Variants in PARP1 observed in about 807,000 individuals in gnomAD.
PARP1 encodes poly(ADP-ribose) polymerase 1, also known as poly [ADP-ribose] polymerase 1.
PARP1 carries 44 observed loss-of-function variants against 118.7 expected under a neutral mutation model. The observed-to-expected ratio is 0.37, with a 90% CI of 0.29 to 0.48. PARP1 has a LOEUF of 0.48. PARP1 is among the 20% of genes least tolerant of loss of function. The pLI is 0.99. For synonymous variants in PARP1, 492 were observed against 483.2 expected, an observed-to-expected ratio of 1.02 and a Z score of -0.24; for missense variants, 1,100 against 1,272.4, an observed-to-expected ratio of 0.86 and a Z score of 2.06.
At chr1:226,394,108 C>A (rs962089968) in intron 2 of PARP1, among the ~76,000 whole-genome samples, 7 of 152,198 alleles carry the variant, frequency 4.6e-5, no homozygotes, top group African/African-American at 1.7e-4. Context: ...CAGCACTCTG[C>A]GAGGATGAGG....
chr1:226,363,648 G>A (rs536877381), intron 20 of PARP1, among the ~76,000 whole-genome samples: 3 of 152,278 alleles, frequency 2.0e-5, no homozygotes, highest in African/African-American at 7.2e-5. Context: ...GCGGCCTGGG[G>A]GATCATCCTT....
At chr1:226,370,563 T>C (rs2102730290) in intron 14 of PARP1, 46 bp from the exon 15 acceptor site, 2 of 1,488,048 alleles carry the variant, frequency 1.3e-6, no homozygotes, top group Non-Finnish European at 1.9e-6. Context: ...CACTGTGCAG[T>C]GTGATCGCAG....
rs149314007 is a variant in PARP1 at position 226,364,003 on chromosome 1, T to C, written c.2726A>G (p.His909Arg). ...GCCTATTGGGTCTCCCTGAGACGTA[T>C]GGCAGTAGTTGGCACTCTTGGAGAC... is the stretch of plus-strand genomic sequence containing the variant. Reference protein sequence around the residue: ...DMVSKSANYCHTSQGDPIGLI... With the variant: ...DMVSKSANYCRTSQGDPIGLI... The change falls in exon 20 of 23, where the codon CAT becomes CGT. Residue 909 changes from histidine to arginine, a missense_variant. Coordinates refer to ENST00000366794, the MANE Select transcript of PARP1 (RefSeq NM_001618.4). 4.3e-6 allele frequency: 7 copies of C among 1,613,678 alleles called. No homozygotes were observed. The highest frequency in any genetic ancestry group is 5.9e-6 in the Non-Finnish European group (7 of 1,179,672).
chr1:226,403,909 C>G (rs1184732395), intron 1 of PARP1, among the ~76,000 whole-genome samples: 1 of 152,178 alleles, frequency 6.6e-6, no homozygotes, highest in African/African-American at 2.4e-5. Flanking sequence ...GGAAAATACT[C>G]TGGAAAAGCA....
intron 2 of PARP1, among the ~76,000 whole-genome samples, chr1:226,393,729 G>A (rs1664860953): frequency 6.6e-6 from 1 of 152,180 alleles, no homozygotes; most frequent in Non-Finnish European, 1.5e-5. Flanking sequence ...AACTACAAGG[G>A]AACTTCACAG....
chr1:226,390,361 TTGAACCCCTCAC>T, intron 4 of PARP1, 37 bp downstream of exon 4: 2 of 1,548,792 alleles, frequency 1.3e-6, no homozygotes, highest in Non-Finnish European at 1.8e-6. Flanking sequence ...TGGGCCTCCC[TTGAACCCCTCAC>T]TGAACCCCCA....
At chr1:226,407,333 T>C (rs1665168409) in intron 1 of PARP1, among the ~76,000 whole-genome samples, 2 of 151,280 alleles carry the variant, frequency 1.3e-5, no homozygotes, top group African/African-American at 2.4e-5. Flanking sequence ...AGAGTGAGCG[T>C]TTAAATGACG....
chr1:226,364,126 C>T (rs1664205583), intron 19 of PARP1, 56 bp from the exon 20 acceptor site: 1 of 1,595,550 alleles, frequency 6.3e-7, no homozygotes, highest in Non-Finnish European at 8.6e-7. Flanking sequence ...TTAGGAGCAG[C>T]TGTTCACTGA....
At chr1:226,381,584 T>C (rs890353183) in intron 8 of PARP1, among the ~76,000 whole-genome samples, 1 of 152,226 alleles carries the variant, frequency 6.6e-6, no homozygotes. Flanking sequence ...GAACCCCCAA[T>C]TCCTTCTGTT....
In PARP1 at chr1:226,367,562, T is replaced by C. The variant is rs1304733675; in HGVS notation, c.2324A>G (p.Tyr775Cys). 1.2e-6 allele frequency: 2 copies of C among 1,614,042 alleles called. No individual in the cohort carries two copies. Among genetic ancestry groups the C allele is most frequent in the African/African-American group, 1.3e-5 (1 of 74,924 alleles). The change falls in exon 17 of 23, where the codon TAC becomes TGC. Residue 775 changes from tyrosine (Y) to cysteine (C), a missense_variant. Tyr to Cys is a radical substitution (Grantham distance 194). Coordinates refer to ENST00000366794, the MANE Select transcript of PARP1 (RefSeq NM_001618.4). ...LDNLLDIEVAYSLLRGGSDDS... is the reference protein window; with the variant it reads ...LDNLLDIEVACSLLRGGSDDS... ...ATCAGACCCTCCCCTGAGCAGACTG[T>C]AGGCCACCTCGATGTCCAGCAGGTT...
intron 15 of PARP1, among the ~76,000 whole-genome samples, chr1:226,369,274 G>T (rs1664330798): frequency 6.6e-6 from 1 of 152,240 alleles, no homozygotes. Context: ...AAAGCCCGCT[G>T]CCTGGGCCCA....
intron 14 of PARP1, among the ~76,000 whole-genome samples, chr1:226,373,634 C>A (rs1275707369): frequency 1.3e-5 from 2 of 152,256 alleles, no homozygotes; most frequent in African/African-American, 4.8e-5. Context: ...GCAACCACCA[C>A]CCCCACCCCA....
rs751087007 is a variant in PARP1, at chr1:226,361,461, T to C, written c.3044A>G (p.Ter1015=). The C allele has an allele frequency of 6.2e-6, 10 of 1,602,196 alleles. No individual in the cohort carries two copies. In the Admixed American group the frequency reaches 1.5e-4, roughly 24 times the overall value. The change falls in exon 23 of 23, where the codon TAA becomes TGA. Residue 1015 remains the stop codon, a stop_retained_variant. Transcript: ENST00000366794. ...GTGTGACTCGGCTACCTCTCCCAAT[T>C]ACCACAGGGAGGTCTTAAAATTGAA... ...LKFNFKTSLW[*]
chr1:226,385,396 C>A, intron 7 of PARP1, 108 bp downstream of exon 7: 1 of 905,808 alleles, frequency 1.1e-6, no homozygotes, highest in Non-Finnish European at 1.8e-6. Flanking sequence ...GTAAAGAAGT[C>A]TGAGGAACAT....
Position 226,379,291 on chromosome 1 carries a change from G to C in PARP1, c.1613-17C>G, listed in dbSNP as rs374634253. On this transcript the variant is annotated splice_polypyrimidine_tract_variant and intron_variant, in intron 11 of 22. Transcript: ENST00000366794. ...GTTCCAGTCCTGTCCCAGAGGAAAA[G>C]CACCTACAGTTTTCTCTCCCCTTGA... is the stretch of plus-strand genomic sequence containing the variant. The C allele has an allele frequency of 1.2e-6, 2 of 1,614,202 alleles. No homozygotes were observed. The highest frequency in any genetic ancestry group is 3.3e-5 in the Admixed American group (2 of 60,030).
intron 2 of PARP1, among the ~76,000 whole-genome samples, chr1:226,393,664 A>C (rs1664859801): frequency 6.6e-6 from 1 of 152,192 alleles, no homozygotes; most frequent in Non-Finnish European, 1.5e-5. Context: ...AAATTAATCT[A>C]TGGGGATAGA....
intron 7 of PARP1, among the ~76,000 whole-genome samples, chr1:226,385,019 T>A (rs1664688704): frequency 6.6e-6 from 1 of 152,094 alleles, no homozygotes; most frequent in South Asian, 2.1e-4. Flanking sequence ...AGGCTCCCCA[T>A]GGAGGTATTT....
chr1:226,406,927 T>C (rs556408127), intron 1 of PARP1, among the ~76,000 whole-genome samples: 25 of 152,300 alleles, frequency 1.6e-4, no homozygotes, highest in African/African-American at 6.0e-4. Context: ...TCAAGCTACC[T>C]TGACCATGAG....
chr1:226,393,226 T>A (rs971550574), intron 2 of PARP1, among the ~76,000 whole-genome samples: 2 of 152,208 alleles, frequency 1.3e-5, no homozygotes, highest in African/African-American at 4.8e-5. Context: ...GACACTGGTA[T>A]TTAAACAGCG....
Sources: allele counts gnomAD v4.1 joint callset (sites outside exome capture counted in the v4.1 genomes callset), GRCh38; gene constraint gnomAD v4.1.1; transcripts MANE v1.5; gene names NCBI Gene and HGNC (gene_info 2026-07-23, HGNC 2026-07-21).